EYS: variants seen among roughly 807,000 people sequenced by gnomAD.
EYS encodes the protein protein eyes shut homolog.
In EYS, 250 loss-of-function variants were observed where a neutral mutation model predicts 282.1. The ratio of observed to expected loss-of-function variants is 0.89; its 90% CI spans 0.80 to 0.98. EYS has a LOEUF of 0.98. EYS is among the 50% of genes least tolerant of loss of function. The pLI is 0.00. For synonymous variants in EYS, 1,355 were observed against 1,282.9 expected (o/e 1.06, Z -1.20); for missense variants, 4,016 against 3,709.0 (o/e 1.08, Z -2.15).
chr6:65,393,168 G>A (rs1358741026), intron 7 of EYS, among the ~76,000 whole-genome samples: 1 of 149,454 alleles, frequency 6.7e-6, no homozygotes, highest in Non-Finnish European at 1.5e-5. Context: ...TCTGGGGACT[G>A]TTGTGGGGTG....
chr6:65,030,674 C>A (rs1179207584), intron 13 of EYS, among the ~76,000 whole-genome samples: 1 of 152,166 alleles, frequency 6.6e-6, no homozygotes, highest in African/African-American at 2.4e-5. Context: ...ACAGCAGGTG[C>A]TTAACGTTGA....
At chr6:64,844,511 T>C (rs1686204218) in intron 19 of EYS, among the ~76,000 whole-genome samples, 1 of 152,112 alleles carries the variant, frequency 6.6e-6, no homozygotes, top group Non-Finnish European at 1.5e-5. Flanking sequence ...TCTGAGCAAG[T>C]AAATCTGTCT....
chr6:63,999,842 C>T (rs1582106377), intron 33 of EYS, among the ~76,000 whole-genome samples: 1 of 152,074 alleles, frequency 6.6e-6, no homozygotes, highest in African/African-American at 2.4e-5. Flanking sequence ...TGAAAAGGTA[C>T]ATATACTAAG....
intron 33 of EYS, among the ~76,000 whole-genome samples, chr6:64,019,548 C>T (rs1304464291): frequency 6.6e-6 from 1 of 151,774 alleles, no homozygotes; most frequent in African/African-American, 2.4e-5. Context: ...GTAGCTGGGA[C>T]TACAGGCACA....
chr6:63,852,804 C>A (rs1025475783), intron 36 of EYS, among the ~76,000 whole-genome samples: 1 of 152,134 alleles, frequency 6.6e-6, no homozygotes, highest in African/African-American at 2.4e-5. Flanking sequence ...CGACTTCATC[C>A]CTGGGATGCA....
rs564258940 is a variant in EYS, at chr6:65,041,381, A to G, written c.2137+16233T>C. On this transcript the variant is annotated intron_variant, in intron 13 of 42. Coordinates refer to ENST00000503581, the MANE Select transcript of EYS (RefSeq NM_001142800.2). ...GTTAAGATATGTCCTCATGATTTAA[A>G]AATATATTTATCTACCTGAGGGGTC... Among the ~76,000 whole-genome samples, 12 of 151,684 alleles carry G rather than the reference A, an allele frequency of 7.9e-5. No homozygotes were observed. The East Asian group carries it at 2.3e-3, about 30-fold the overall frequency.
At chr6:64,804,465 C>T (rs747419723) in intron 22 of EYS, among the ~76,000 whole-genome samples, 1 of 152,076 alleles carries the variant, frequency 6.6e-6, no homozygotes, top group African/African-American at 2.4e-5. Context: ...ACTCATTAAC[C>T]ATCTGGTAAT....
At chr6:64,843,167 A>G (rs1313262304) in intron 19 of EYS, among the ~76,000 whole-genome samples, 1 of 152,140 alleles carries the variant, frequency 6.6e-6, no homozygotes, top group African/African-American at 2.4e-5. Flanking sequence ...TGCCCAGGGA[A>G]AAGCTTGTTG....
At position 65,320,158 on chromosome 6, in the gene EYS, AAC is replaced by A. The variant is rs368106848; in HGVS notation, c.1766+14820_1766+14821del. Among the ~76,000 whole-genome samples the A allele has an allele frequency of 3.4e-4, 51 of 152,008 alleles. No homozygotes were observed. The South Asian group carries it at 1.0e-2, about 30-fold the overall frequency. ...TAAGGATGCAATGCAGGAAAAAAAA[AAC>A]ACACACACACACAAAATGGATGGGG... On this transcript the variant is annotated intron_variant, in intron 11 of 42. Transcript: ENST00000503581.
intron 32 of EYS, among the ~76,000 whole-genome samples, chr6:64,076,205 T>C (rs1445228444): frequency 6.6e-6 from 1 of 152,014 alleles, no homozygotes; most frequent in Non-Finnish European, 1.5e-5. Context: ...TGTTTCTATT[T>C]ATCAGAGGAA....
chr6:63,864,325 C>A lies in EYS; in HGVS notation c.7089G>T (p.Arg2363Ser), dbSNP rs1212126763. 1 of 1,551,150 alleles carries A rather than the reference C, an allele frequency of 6.4e-7. No individual in the cohort carries two copies. ...DNENLFCECP[R>S]LYSGKLCQFA... ...ACTGGCACAGCTTGCCTGAATACAG[C>A]CTTGGACACTCACAAAACAGATTTT... Residue 2363 changes from arginine (R) to serine (S), a missense_variant, in exon 36 of 43, where the codon AGG (arginine) becomes AGT (serine). Coordinates refer to ENST00000503581, the MANE Select transcript of EYS (RefSeq NM_001142800.2).
At chr6:64,085,340 G>GCGCGCGCACACACACACACACA (rs112388321) in intron 31 of EYS, among the ~76,000 whole-genome samples, 12 of 139,812 alleles carry the variant, frequency 8.6e-5, no homozygotes, top group African/African-American at 3.4e-4. Context: ...ACGTGCGCGC[G>GCGCGCGCACACACACACACACA]CACACACACA....
intron 11 of EYS, chr6:65,329,544 T>C: frequency 1.3e-5 from 13 of 983,084 alleles, no homozygotes; most frequent in Non-Finnish European, 1.6e-5. Flanking sequence ...ACATTCAATA[T>C]GACACTTTCA....
At chr6:63,924,666 C>G (rs1444613042) in intron 35 of EYS, among the ~76,000 whole-genome samples, 1 of 152,120 alleles carries the variant, frequency 6.6e-6, no homozygotes, top group Non-Finnish European at 1.5e-5. Flanking sequence ...GCTCAGATTC[C>G]TGATGTGTAA....
intron 1 of EYS, among the ~76,000 whole-genome samples, chr6:65,676,444 A>C (rs1722953655): frequency 6.6e-6 from 1 of 151,890 alleles, no homozygotes; most frequent in Non-Finnish European, 1.5e-5. Flanking sequence ...ACGTCTACAA[A>C]TTGAATAACG....
At chr6:64,381,790 T>A (rs556936107) in intron 29 of EYS, among the ~76,000 whole-genome samples, 17 of 152,332 alleles carry the variant, frequency 1.1e-4, no homozygotes, top group Admixed American at 9.2e-4. Context: ...TATATATGTA[T>A]TAAACTTTTC....
chr6:64,063,089 T>C (rs984979859), intron 33 of EYS, among the ~76,000 whole-genome samples: 1 of 152,166 alleles, frequency 6.6e-6, no homozygotes, highest in Non-Finnish European at 1.5e-5. Context: ...TATGATTTCA[T>C]CTTTCAGTAT....
chr6:64,667,688 A>C (rs2149893412), intron 22 of EYS, among the ~76,000 whole-genome samples: 1 of 152,202 alleles, frequency 6.6e-6, no homozygotes, highest in East Asian at 1.9e-4. Flanking sequence ...AGCACCCATA[A>C]AACATTAGAA....
chr6:64,347,272 G>C (rs1771443492), intron 29 of EYS, among the ~76,000 whole-genome samples: 1 of 151,216 alleles, frequency 6.6e-6, no homozygotes, highest in Admixed American at 6.6e-5. Flanking sequence ...TTAAAAACAA[G>C]GTTATGACAG....
Sources: allele counts gnomAD v4.1 joint callset (sites outside exome capture counted in the v4.1 genomes callset), GRCh38; gene constraint gnomAD v4.1.1; transcripts MANE v1.5; gene names NCBI Gene and HGNC (gene_info 2026-07-23, HGNC 2026-07-21).